Variants in SERPINA6 observed in about 807,000 individuals in gnomAD.
SERPINA6 encodes the protein corticosteroid-binding globulin.
SERPINA6 carries 19 observed loss-of-function variants against 26.4 expected under a neutral mutation model. The observed-to-expected ratio is 0.72, with a 90% CI of 0.50 to 1.06. SERPINA6 has a LOEUF of 1.06. SERPINA6 is among the 50% of genes least tolerant of loss of function. The pLI, the probability that SERPINA6 is intolerant of heterozygous loss-of-function variation, is 0.00. For synonymous variants in SERPINA6, 196 were observed against 199.4 expected (o/e 0.98, Z 0.14); for missense variants, 473 against 504.0 (o/e 0.94, Z 0.59).
At chr14:94,318,182 A>G (rs896223291) in intron 1 of SERPINA6, among the ~76,000 whole-genome samples, 4 of 152,244 alleles carry the variant, frequency 2.6e-5, no homozygotes, top group African/African-American at 9.6e-5. Context: ...TAAAGAGGAC[A>G]TAAATAAATG....
chr14:94,319,799 C>T (rs948775865), intron 1 of SERPINA6, among the ~76,000 whole-genome samples: 4 of 151,962 alleles, frequency 2.6e-5, no homozygotes, highest in Admixed American at 2.0e-4. Flanking sequence ...GCCGGGGCAA[C>T]GGGAGATTGG....
chr14:94,315,863 T>A (rs765870783), intron 1 of SERPINA6, among the ~76,000 whole-genome samples: 2 of 152,248 alleles, frequency 1.3e-5, no homozygotes, highest in Non-Finnish European at 2.9e-5. Context: ...AAATGCTTTT[T>A]TGTATTGAAA....
In SERPINA6 at chr14:94,314,039, T is replaced by C; in HGVS notation, c.610A>G (p.Lys204Glu). 6.2e-7 allele frequency: 1 copy of C among 1,614,130 alleles called. No homozygotes were observed. Among genetic ancestry groups the C allele is most frequent in the South Asian group, 1.1e-5 (1 of 91,090 alleles). Reference protein sequence around the residue: ...ILVLVNYIFFKGTWTQPFDLA... With the variant: ...ILVLVNYIFFEGTWTQPFDLA... Reference sequence around the variant, plus strand: ...AGATGGGGATGGGTGGGAATACCTTTGAAGAAGATATAGTTGACCAGGACG... The same window carrying C: ...AGATGGGGATGGGTGGGAATACCTTCGAAGAAGATATAGTTGACCAGGACG... The change falls in exon 2 of 5, where the codon AAA becomes GAA. Residue 204 changes from lysine to glutamate, a missense_variant. Transcript: ENST00000341584.
At chr14:94,314,813 G>A (rs1037816071) in intron 1 of SERPINA6, 146 bp from the exon 2 acceptor site, 2 of 725,424 alleles carry the variant, frequency 2.8e-6, no homozygotes, top group Non-Finnish European at 4.7e-6. Context: ...ATCACAGAGG[G>A]CGCTGGACTT....
intron 4 of SERPINA6, 72 bp downstream of exon 4, chr14:94,305,999 C>T (rs949236353): frequency 9.5e-6 from 15 of 1,576,576 alleles, no homozygotes; most frequent in Non-Finnish European, 1.3e-5. Context: ...GAACTCAGTG[C>T]CACTTCCTAG....
At chr14:94,319,936 C>T (rs1029417526) in intron 1 of SERPINA6, among the ~76,000 whole-genome samples, 2 of 151,866 alleles carry the variant, frequency 1.3e-5, no homozygotes, top group Non-Finnish European at 2.9e-5. Flanking sequence ...GTAGTTAAAA[C>T]GTTAGGTATT....
At chr14:94,308,356 ACCACTCCATCCCC>A (rs1196297007) in intron 3 of SERPINA6, among the ~76,000 whole-genome samples, 1 of 151,710 alleles carries the variant, frequency 6.6e-6, no homozygotes, top group African/African-American at 2.4e-5. Flanking sequence ...TGTCCTATTC[ACCACTCCATCCCC>A]TGTGCTTAGC....
chr14:94,306,240 A>C (rs1026603222), intron 3 of SERPINA6, 22 bp from the exon 4 acceptor site: 12 of 1,613,870 alleles, frequency 7.4e-6, no homozygotes, highest in Non-Finnish European at 1.0e-5. Context: ...AAGCAGACAG[A>C]GTTAGACATT....
At chr14:94,321,910 TG>T (rs1246649791) in intron 1 of SERPINA6, among the ~76,000 whole-genome samples, 2 of 152,220 alleles carry the variant, frequency 1.3e-5, no homozygotes, top group African/African-American at 4.8e-5. Context: ...CTGCCAGCTC[TG>T]GGGAGATTGC....
intron 3 of SERPINA6, among the ~76,000 whole-genome samples, chr14:94,307,113 C>T (rs11629171): frequency 0.3 from 46,119 of 152,040 alleles, 8,194 homozygotes; most frequent in East Asian, 0.89. Flanking sequence ...AGAGGCGAGT[C>T]GGTGTGTACC....
chr14:94,314,074 G>T lies in SERPINA6; in HGVS notation c.575C>A (p.Pro192Gln), dbSNP rs747354796. The T allele has an allele frequency of 1.9e-5, 30 of 1,614,128 alleles. No individual in the cohort carries two copies. In the South Asian group the frequency reaches 2.9e-4, roughly 15 times the overall value. The stretch of plus-strand genomic sequence containing the variant: ...ATAGTTGACCAGGACGAGGATGGCT[G>T]GGCTATCCAGCCCTGAAAACAAGTC... ...IVDLFSGLDSPAILVLVNYIF... is the reference protein window; with the variant it reads ...IVDLFSGLDSQAILVLVNYIF... The change falls in exon 2 of 5, where the codon CCA becomes CAA. Residue 192 changes from proline to glutamine, a missense_variant. Pro to Gln is a moderately conservative substitution (Grantham distance 76). Transcript: ENST00000341584.
intron 1 of SERPINA6, among the ~76,000 whole-genome samples, chr14:94,320,747 G>A (rs1895673340): frequency 6.6e-6 from 1 of 152,148 alleles, no homozygotes; most frequent in African/African-American, 2.4e-5. Flanking sequence ...AAAACCCTTA[G>A]TTCTCCTGAG....
chr14:94,314,766 G>A, intron 1 of SERPINA6, 99 bp from the exon 2 acceptor site: 1 of 1,143,256 alleles, frequency 8.7e-7, no homozygotes. Flanking sequence ...TCAAGCCCCA[G>A]TTCCTTCCTC....
At chr14:94,319,320 T>C (rs1223546879) in intron 1 of SERPINA6, among the ~76,000 whole-genome samples, 1 of 152,200 alleles carries the variant, frequency 6.6e-6, no homozygotes, top group Non-Finnish European at 1.5e-5. Context: ...ATGTTAGCAT[T>C]GCATGTGGGG....
In SERPINA6 at chr14:94,314,125, T is replaced by C; in HGVS notation, c.524A>G (p.Lys175Arg). 6.2e-7 allele frequency: 1 copy of C among 1,614,230 alleles called. No individual in the cohort carries two copies. Among genetic ancestry groups the C allele is most frequent in the South Asian group, 1.1e-5 (1 of 91,080 alleles). Residue 175 changes from lysine (K) to arginine (R), a missense_variant, in exon 2 of 5, where the codon AAG (lysine) becomes AGG (arginine). Lys to Arg is a conservative substitution (Grantham distance 26). Transcript: ENST00000341584. Reference sequence around the variant, plus strand: ...GACAATTTTCCCCTGTGTCTTATTCTTGACATAGCTGTTGATCTGTCTGCT... The same window carrying C: ...GACAATTTTCCCCTGTGTCTTATTCCTGACATAGCTGTTGATCTGTCTGCT... ...TASRQINSYV[K>R]NKTQGKIVDL...
chr14:94,314,208 G>C lies in SERPINA6; in HGVS notation c.441C>G (p.Ile147Met). Reference protein sequence around the residue: ...LELLESFSADIKHYYESEVLA... With the variant: ...LELLESFSADMKHYYESEVLA... Reference sequence around the variant, plus strand: ...AGACCTCTGACTCATAGTAGTGCTTGATGTCTGCTGAGAATGACTCCAGCA... The same window carrying C: ...AGACCTCTGACTCATAGTAGTGCTTCATGTCTGCTGAGAATGACTCCAGCA... The change falls in exon 2 of 5, where the codon ATC becomes ATG. Residue 147 changes from isoleucine to methionine, a missense_variant. Transcript: ENST00000341584. 1 of 1,614,214 alleles carries C rather than the reference G, an allele frequency of 6.2e-7. No homozygotes were observed. The highest frequency in any genetic ancestry group is 1.3e-5 in the African/African-American group (1 of 75,030).
rs1314913880 is a variant in SERPINA6 at position 94,305,098 on chromosome 14, G to A, written c.1033-495C>T. 3.9e-5 allele frequency among the ~76,000 whole-genome samples: 6 copies of A among 152,154 alleles called. No homozygotes were observed. The East Asian group carries it at 5.8e-4, about 15-fold the overall frequency. On this transcript the variant is annotated intron_variant, in intron 4 of 4. Coordinates refer to ENST00000341584, the MANE Select transcript of SERPINA6 (RefSeq NM_001756.4). ...GGAGGAGTTCTGAAGTCAGCAAAACGTCTGCCTAGCTTGTATCAAAAGACT... is the reference window on the plus strand; with the variant it reads ...GGAGGAGTTCTGAAGTCAGCAAAACATCTGCCTAGCTTGTATCAAAAGACT...
chr14:94,319,186 C>T (rs1217416511), intron 1 of SERPINA6, among the ~76,000 whole-genome samples: 2 of 152,192 alleles, frequency 1.3e-5, no homozygotes, highest in Non-Finnish European at 2.9e-5. Flanking sequence ...GGCATGATGG[C>T]CCGTGCCTGT....
intron 3 of SERPINA6, 24 bp downstream of exon 3, chr14:94,309,712 C>T (rs766945299): frequency 6.2e-7 from 1 of 1,613,340 alleles, no homozygotes; most frequent in Non-Finnish European, 8.5e-7. Flanking sequence ...TTGCAGAAAT[C>T]AACATGATGG....
Sources: gnomAD v4.1 joint callset for allele counts (sites outside exome capture counted in the v4.1 genomes callset) on GRCh38, gnomAD v4.1.1 for gene constraint, MANE v1.5 for transcripts, NCBI Gene and HGNC (gene_info 2026-07-23, HGNC 2026-07-21) for gene names.